The following PLD5 variants were observed in gnomAD, a reference collection of about 807,000 sequenced individuals.
PLD5 encodes the protein phospholipase D family member 5.
In PLD5, 36 loss-of-function variants were observed where a neutral mutation model predicts 61.1. The observed-to-expected ratio is 0.59, with a 90% CI of 0.45 to 0.78. PLD5 has a LOEUF of 0.78. Among genes scored for constraint, PLD5 ranks in the 30% least tolerant of loss-of-function variants. The probability of loss-of-function intolerance (pLI) is 0.00; values close to 1 mark genes in which losing one functional copy is unlikely to be tolerated. For synonymous variants in PLD5, 243 were observed against 242.8 expected, an observed-to-expected ratio of 1.00 and a Z score of -0.01; for missense variants, 515 against 644.4, an observed-to-expected ratio of 0.80 and a Z score of 2.17.
intron 5 of PLD5, among the ~76,000 whole-genome samples, chr1:242,178,138 C>T (rs557244894): frequency 6.6e-6 from 1 of 152,346 alleles, no homozygotes; most frequent in African/African-American, 2.4e-5. Flanking sequence ...GCTTATCCAG[C>T]ATCTAGAACT....
chr1:242,518,051 T>A (rs1190981238), intron 1 of PLD5, among the ~76,000 whole-genome samples: 1 of 152,184 alleles, frequency 6.6e-6, no homozygotes, highest in South Asian at 2.1e-4. Flanking sequence ...AATATATTTA[T>A]CACCCAACGG....
intron 1 of PLD5, among the ~76,000 whole-genome samples, chr1:242,462,542 C>T (rs1358787450): frequency 6.6e-6 from 1 of 151,690 alleles, no homozygotes; most frequent in Non-Finnish European, 1.5e-5. Context: ...GATCCATACT[C>T]CAAACCTCAG....
rs1491425597 is a variant in PLD5, at chr1:242,242,010, TAG to T, written c.608-21897_608-21896del. On this transcript the variant is annotated intron_variant, in intron 4 of 9. Transcript: ENST00000536534. ...TACTTACTATATATATATATATATA[TAG>T]ACACACACACACACACACACACACA... Among the ~76,000 whole-genome samples, 129 of 118,654 alleles carry T rather than the reference TAG, an allele frequency of 1.1e-3. 1 individual carries two copies. The highest frequency in any genetic ancestry group is 3.4e-3 in the African/African-American group (98 of 29,076). The allele number at this position is 118,654 out of a possible 152,430, so 77.8% of individuals were successfully genotyped here.
chr1:242,264,074 T>C (rs1673517722), intron 4 of PLD5, among the ~76,000 whole-genome samples: 1 of 151,206 alleles, frequency 6.6e-6, no homozygotes, highest in African/African-American at 2.4e-5. Context: ...CATCTGCAAA[T>C]ACAGGACCCT....
At chr1:242,300,928 T>C (rs1459886090) in intron 2 of PLD5, among the ~76,000 whole-genome samples, 1 of 152,124 alleles carries the variant, frequency 6.6e-6, no homozygotes, top group African/African-American at 2.4e-5. Flanking sequence ...TTGAGGGAAA[T>C]TCATCTGCCC....
intron 5 of PLD5, among the ~76,000 whole-genome samples, chr1:242,180,293 A>C (rs1305211433): frequency 6.6e-6 from 1 of 152,186 alleles, no homozygotes; most frequent in African/African-American, 2.4e-5. Flanking sequence ...GACACAGGAA[A>C]TGCTCAATAC....
intron 1 of PLD5, among the ~76,000 whole-genome samples, chr1:242,348,828 G>T (rs1331732268): frequency 1.3e-5 from 2 of 152,266 alleles, no homozygotes; most frequent in Non-Finnish European, 2.9e-5. Flanking sequence ...GCCAAGGCGG[G>T]CAGATCATGA....
intron 5 of PLD5, among the ~76,000 whole-genome samples, chr1:242,194,259 C>T (rs1202781601): frequency 6.6e-6 from 1 of 152,108 alleles, no homozygotes; most frequent in Non-Finnish European, 1.5e-5. Context: ...GTATCTATTG[C>T]CATTATTTTG....
intron 2 of PLD5, among the ~76,000 whole-genome samples, chr1:242,300,574 G>C (rs1675977201): frequency 6.6e-6 from 1 of 152,074 alleles, no homozygotes; most frequent in Non-Finnish European, 1.5e-5. Flanking sequence ...GGCAGAGTTG[G>C]GGGGACGGCA....
intron 3 of PLD5, among the ~76,000 whole-genome samples, chr1:242,273,217 G>T (rs1004624560): frequency 2.0e-5 from 3 of 151,726 alleles, no homozygotes; most frequent in Admixed American, 2.0e-4. Flanking sequence ...GAGAATGATG[G>T]CTTCTAGCTT....
chr1:242,493,898 T>C (rs1274604621), intron 1 of PLD5, among the ~76,000 whole-genome samples: 1 of 152,230 alleles, frequency 6.6e-6, no homozygotes, highest in East Asian at 1.9e-4. Context: ...AAAAATCCCT[T>C]CTCATAGCTA....
At chr1:242,202,151 T>G (rs1249265209) in intron 5 of PLD5, among the ~76,000 whole-genome samples, 1 of 152,046 alleles carries the variant, frequency 6.6e-6, no homozygotes, top group African/African-American at 2.4e-5. Context: ...CAGGTGGAGG[T>G]TCAGTGAGCT....
intron 8 of PLD5, among the ~76,000 whole-genome samples, chr1:242,105,209 G>T (rs1254308714): frequency 2.8e-5 from 4 of 144,090 alleles, no homozygotes; most frequent in Non-Finnish European, 6.0e-5. Context: ...TGAATTGTTT[G>T]TACTGTGTGT....
At chr1:242,328,156 AAG>A (rs1167764654) in intron 2 of PLD5, among the ~76,000 whole-genome samples, 2 of 152,204 alleles carry the variant, frequency 1.3e-5, no homozygotes, top group African/African-American at 4.8e-5. Context: ...AACAACTAGA[AAG>A]AAAACTATTA....
At chr1:242,488,209 C>A (rs928123379) in intron 1 of PLD5, among the ~76,000 whole-genome samples, 1 of 152,192 alleles carries the variant, frequency 6.6e-6, no homozygotes, top group Non-Finnish European at 1.5e-5. Flanking sequence ...CTAGCAATTG[C>A]ACCCCTAGGT....
intron 5 of PLD5, among the ~76,000 whole-genome samples, chr1:242,173,323 C>T (rs1444954648): frequency 6.6e-6 from 1 of 152,072 alleles, no homozygotes; most frequent in Non-Finnish European, 1.5e-5. Context: ...GAATAAAATA[C>T]CTAGGAATCC....
intron 1 of PLD5, among the ~76,000 whole-genome samples, chr1:242,416,068 T>G (rs1664819336): frequency 6.6e-6 from 1 of 152,104 alleles, no homozygotes; most frequent in Non-Finnish European, 1.5e-5. Context: ...AAACTTTCAG[T>G]AACTGTATTG....
intron 5 of PLD5, among the ~76,000 whole-genome samples, chr1:242,206,643 G>T (rs316861): frequency 0.85 from 128,599 of 152,182 alleles, 54,619 homozygotes; most frequent in South Asian, 0.94. Flanking sequence ...AAAGAGAATG[G>T]TATTAAGAAA....
intron 7 of PLD5, among the ~76,000 whole-genome samples, chr1:242,112,580 A>G (rs994996145): frequency 6.6e-6 from 1 of 152,138 alleles, no homozygotes; most frequent in African/African-American, 2.4e-5. Context: ...CTTTTCTACT[A>G]GCTGTTATAA....
Sources: allele counts gnomAD v4.1 joint callset (sites outside exome capture counted in the v4.1 genomes callset), GRCh38; gene constraint gnomAD v4.1.1; transcripts MANE v1.5; gene names NCBI Gene and HGNC (gene_info 2026-07-23, HGNC 2026-07-21).